Variants in FRYL observed in about 807,000 individuals in gnomAD.
FRYL encodes protein furry homolog-like.
In FRYL, 150 loss-of-function variants were observed where a neutral mutation model predicts 351.2. The ratio of observed to expected loss-of-function variants is 0.43; its 90% CI spans 0.37 to 0.49. FRYL has a LOEUF of 0.49. Ranked by LOEUF, FRYL falls within the 20% of genes least tolerant of loss-of-function variation. The probability of loss-of-function intolerance (pLI) is 0.00; values close to 1 mark genes in which losing one functional copy is unlikely to be tolerated. For missense variants in FRYL, 3,036 were observed against 3,619.3 expected (o/e 0.84, Z 4.13); for synonymous variants, 1,153 against 1,257.1 (o/e 0.92, Z 1.75).
intron 4 of FRYL, among the ~76,000 whole-genome samples, chr4:48,627,916 G>A (rs1469957129): frequency 1.3e-5 from 2 of 151,996 alleles, no homozygotes; most frequent in African/African-American, 2.4e-5. Context: ...GATTACAGGC[G>A]CCTACTACCA....
At chr4:48,564,850 C>G in intron 30 of FRYL, 83 bp downstream of exon 30, 1 of 669,616 alleles carries the variant, frequency 1.5e-6, no homozygotes, top group Non-Finnish European at 2.5e-6. Flanking sequence ...TTTTAAAAGA[C>G]TTGTTTTTAG....
intron 1 of FRYL, among the ~76,000 whole-genome samples, chr4:48,713,344 C>A (rs186541809): frequency 4.6e-5 from 7 of 152,004 alleles, no homozygotes; most frequent in African/African-American, 1.2e-4. Flanking sequence ...TAAAGAGTCA[C>A]GACCCATCAG....
intron 8 of FRYL, 94 bp from the exon 9 acceptor site, chr4:48,609,161 T>C (rs976630992): frequency 8.2e-6 from 6 of 728,794 alleles, no homozygotes; most frequent in African/African-American, 5.4e-5. Flanking sequence ...CAGAGTATTG[T>C]ATAATTTTCT....
intron 2 of FRYL, among the ~76,000 whole-genome samples, chr4:48,689,895 CTTTTTT>C (rs869300628): frequency 7.4e-6 from 1 of 135,682 alleles, no homozygotes; most frequent in Non-Finnish European, 1.6e-5. Flanking sequence ...TTCTTTTTTT[CTTTTTT>C]TTTTTTTTTT....
intron 1 of FRYL, among the ~76,000 whole-genome samples, chr4:48,715,120 T>C (rs1007480085): frequency 7.9e-5 from 12 of 151,976 alleles, no homozygotes; most frequent in Non-Finnish European, 1.2e-4. Flanking sequence ...ATGGGACGTA[T>C]CTCAAAATAA....
Position 48,505,624 on chromosome 4 carries a change from A to G in FRYL, c.8395-9T>C. ...TTACAATCATCTAGCCACTAAAAAT[A>G]AGTAACAGTAACGTTTAATATGCAC... is the stretch of plus-strand genomic sequence containing the variant. On this transcript the variant is annotated splice_polypyrimidine_tract_variant and intron_variant, in intron 59 of 63. Transcript: ENST00000358350. 6.3e-7 allele frequency: 1 copy of G among 1,582,292 alleles called. No individual in the cohort carries two copies.
intron 29 of FRYL, 86 bp from the exon 30 acceptor site, chr4:48,565,129 C>G: frequency 1.5e-6 from 1 of 660,586 alleles, no homozygotes; most frequent in Non-Finnish European, 2.6e-6. Flanking sequence ...AAATACTTAT[C>G]TAGTCACAAT....
chr4:48,673,230 T>C (rs1763003241), intron 3 of FRYL, among the ~76,000 whole-genome samples: 1 of 152,232 alleles, frequency 6.6e-6, no homozygotes, highest in Non-Finnish European at 1.5e-5. Flanking sequence ...AAAAACTAAT[T>C]ATCAACTGAT....
rs1180717840 is a variant in FRYL at position 48,539,948 on chromosome 4, C to A, written c.6393+23G>T. The A allele has an allele frequency of 2.6e-6, 4 of 1,527,228 alleles. No individual in the cohort carries two copies. In the East Asian group the frequency reaches 6.8e-5, roughly 26 times the overall value. 94.6% of individuals were successfully genotyped at this position (1,527,228 alleles called of 1,614,324 possible). The stretch of plus-strand genomic sequence containing the variant: ...CAAAATAATTTCCCTATAGTGTTAC[C>A]TTTCAGCATAACATTTGCTTACCTT... On this transcript the variant is annotated intron_variant, in intron 47 of 63. Coordinates refer to ENST00000358350, the MANE Select transcript of FRYL (RefSeq NM_015030.2).
At chr4:48,721,568 C>T (rs903759398) in intron 1 of FRYL, among the ~76,000 whole-genome samples, 5 of 152,222 alleles carry the variant, frequency 3.3e-5, no homozygotes, top group South Asian at 4.1e-4. Flanking sequence ...ATTTTTACAA[C>T]AAAATTGTGT....
At chr4:48,534,183 GC>G (rs1268912935) in intron 49 of FRYL, among the ~76,000 whole-genome samples, 2 of 152,074 alleles carry the variant, frequency 1.3e-5, no homozygotes, top group Non-Finnish European at 2.9e-5. Flanking sequence ...CCGAGACTGC[GC>G]CACTGCACTC....
rs756759934 is a variant in FRYL at position 48,547,780 on chromosome 4, T to C, written c.4889-11A>G. 27 of 1,431,322 alleles carry C rather than the reference T, an allele frequency of 1.9e-5. No homozygotes were observed. The highest frequency in any genetic ancestry group is 2.5e-5 in the East Asian group (1 of 40,630). The allele number at this position is 1,431,322 out of a possible 1,614,324, so 88.7% of individuals were successfully genotyped here. A position where few individuals can be genotyped will look rare whatever the true frequency, so the allele number is the denominator to read the frequency against. On this transcript the variant is annotated splice_polypyrimidine_tract_variant and intron_variant, in intron 40 of 63. Coordinates refer to ENST00000358350, the MANE Select transcript of FRYL (RefSeq NM_015030.2). ...GGCAGTGGTCAAACCCTAAAAAGGA[T>C]AGTAGAGAAACATTATCAATAAAGA...
rs56312141 is a variant in FRYL at position 48,739,421 on chromosome 4, A to AAAAAAT, written c.-383-28724_-383-28723insATTTTT. Among the ~76,000 whole-genome samples, 4 of 117,096 alleles carry AAAAAAT rather than the reference A, an allele frequency of 3.4e-5. 1 individual carries two copies. Among genetic ancestry groups the AAAAAAT allele is most frequent in the Non-Finnish European group, 1.8e-5 (1 of 54,814 alleles). 76.8% of individuals were successfully genotyped at this position (117,096 alleles called of 152,430 possible). On this transcript the variant is annotated intron_variant, in intron 1 of 63. Transcript: ENST00000358350. Reference sequence around the variant, plus strand: ...GTCTCAAAAAAAAAAAAAAAAAAAAACAACTAATCTTTGAAAATGGAGCAA... The same window carrying AAAAAAT: ...GTCTCAAAAAAAAAAAAAAAAAAAAAAAAAATCAACTAATCTTTGAAAATGGAGCAA...
chr4:48,512,337 T>C, intron 57 of FRYL, 144 bp downstream of exon 57: 1 of 608,800 alleles, frequency 1.6e-6, no homozygotes, highest in Non-Finnish European at 2.9e-6. Context: ...ACAGTGTCAA[T>C]GTAAGTAATA....
At chr4:48,594,132 G>A in intron 15 of FRYL, 116 bp from the exon 16 acceptor site, 1 of 524,844 alleles carries the variant, frequency 1.9e-6, no homozygotes, top group Non-Finnish European at 3.3e-6. Flanking sequence ...AAAGTTCACA[G>A]CTGAACAGAA....
Position 48,500,018 on chromosome 4 carries a change from G to T in FRYL, c.8783+12C>A. On this transcript the variant is annotated intron_variant, in intron 63 of 63. Transcript: ENST00000358350. ...TTTAAAGGCATCACCTTTAAATCCC[G>T]TCACGTTTTACCTGAAAGCTTTGAC... 1 of 1,550,570 alleles carries T rather than the reference G, an allele frequency of 6.4e-7. No individual in the cohort carries two copies.
intron 1 of FRYL, among the ~76,000 whole-genome samples, chr4:48,737,597 G>A (rs2149639948): frequency 6.6e-6 from 1 of 152,282 alleles, no homozygotes. Flanking sequence ...GAAGATAGAA[G>A]CAGAGGAAAT....
chr4:48,690,399 A>G (rs1287846069), intron 2 of FRYL, among the ~76,000 whole-genome samples: 1 of 152,138 alleles, frequency 6.6e-6, no homozygotes, highest in Non-Finnish European at 1.5e-5. Flanking sequence ...TAATGTATTC[A>G]GTGGCTTCAT....
intron 7 of FRYL, among the ~76,000 whole-genome samples, chr4:48,612,642 G>A (rs750332503): frequency 4.6e-5 from 7 of 152,086 alleles, no homozygotes; most frequent in African/African-American, 7.2e-5. Flanking sequence ...GCAGTGGCAC[G>A]ATCTCTGCTC....
Sources: allele counts gnomAD v4.1 joint callset (sites outside exome capture counted in the v4.1 genomes callset), GRCh38; gene constraint gnomAD v4.1.1; transcripts MANE v1.5; gene names NCBI Gene and HGNC (gene_info 2026-07-23, HGNC 2026-07-21).